KIF6: variants seen among roughly 807,000 people sequenced by gnomAD.
The protein encoded by KIF6 is kinesin family member 6.
KIF6 carries 106 observed loss-of-function variants against 112.7 expected under a neutral mutation model. The observed-to-expected ratio is 0.94, with a 90% CI of 0.80 to 1.11. The LOEUF is 1.11. Among genes scored for constraint, KIF6 ranks in the 50% least tolerant of loss-of-function variants. The pLI is 0.00. For synonymous variants in KIF6, 339 were observed against 339.9 expected (o/e 1.00, Z 0.03); for missense variants, 929 against 964.0 (o/e 0.96, Z 0.48).
In KIF6 at chr6:39,440,039, T is replaced by C. The variant is rs115060175; in HGVS notation, c.1646-8878A>G. On this transcript the variant is annotated intron_variant, in intron 13 of 22. Transcript: ENST00000287152. Reference sequence around the variant, plus strand: ...AGTCGGAGCCAAAAATATATTTTCCTTGGGAGATATTCACTCGCGTGGGGC... The same window carrying C: ...AGTCGGAGCCAAAAATATATTTTCCCTGGGAGATATTCACTCGCGTGGGGC... Among the ~76,000 whole-genome samples the C allele has an allele frequency of 7.1e-3, 1,075 of 152,268 alleles. 13 individuals are homozygous for C. The highest frequency in any genetic ancestry group is 0.025 in the African/African-American group (1,028 of 41,548).
At chr6:39,363,907 A>G (rs1472653244) in intron 16 of KIF6, among the ~76,000 whole-genome samples, 2 of 152,092 alleles carry the variant, frequency 1.3e-5, no homozygotes, top group Non-Finnish European at 2.9e-5. Context: ...GGAGCTCACT[A>G]CTTTGCAGGG....
intron 15 of KIF6, among the ~76,000 whole-genome samples, chr6:39,407,237 A>T (rs1050289163): frequency 3.9e-5 from 6 of 152,168 alleles, no homozygotes; most frequent in Admixed American, 1.3e-4. Flanking sequence ...ACAAGATTGC[A>T]GTATTTACTT....
chr6:39,558,721 T>C (rs1286283380), intron 10 of KIF6, among the ~76,000 whole-genome samples: 1 of 152,188 alleles, frequency 6.6e-6, no homozygotes, highest in African/African-American at 2.4e-5. Context: ...GGACTTCTGA[T>C]GAAAGAGCTG....
chr6:39,565,467 C>T (rs1016642811), intron 10 of KIF6, among the ~76,000 whole-genome samples: 2 of 152,090 alleles, frequency 1.3e-5, no homozygotes, highest in Admixed American at 6.5e-5. Flanking sequence ...TTCCGCAAGC[C>T]CAGGGAATCA....
intron 3 of KIF6, among the ~76,000 whole-genome samples, chr6:39,689,002 C>T (rs1295477183): frequency 2.6e-5 from 4 of 151,994 alleles, no homozygotes; most frequent in Non-Finnish European, 5.9e-5. Flanking sequence ...TTTGTAGTCC[C>T]AGTTATTTGG....
chr6:39,583,621 T>C, intron 9 of KIF6: 1 of 338,812 alleles, frequency 3.0e-6, no homozygotes, highest in Non-Finnish European at 6.3e-6. Flanking sequence ...TTTGTTGGTT[T>C]TTTTTTGATT....
intron 16 of KIF6, among the ~76,000 whole-genome samples, chr6:39,376,597 C>A (rs1490809412): frequency 6.6e-6 from 1 of 152,182 alleles, no homozygotes; most frequent in Non-Finnish European, 1.5e-5. Context: ...TTATGGAGGA[C>A]CTACTGCGTG....
intron 10 of KIF6, among the ~76,000 whole-genome samples, chr6:39,553,264 G>C (rs923582975): frequency 2.6e-5 from 4 of 152,142 alleles, no homozygotes; most frequent in African/African-American, 9.7e-5. Flanking sequence ...GAAAGTTCAT[G>C]GTTTTGGTGA....
At chr6:39,546,792 C>T (rs1375373343) in intron 10 of KIF6, among the ~76,000 whole-genome samples, 3 of 149,308 alleles carry the variant, frequency 2.0e-5, no homozygotes, top group Non-Finnish European at 4.4e-5. Flanking sequence ...TGCCACTGCA[C>T]TCCAGCCTGG....
At chr6:39,648,862 A>G (rs975942695) in intron 3 of KIF6, among the ~76,000 whole-genome samples, 6 of 152,108 alleles carry the variant, frequency 3.9e-5, no homozygotes, top group African/African-American at 1.4e-4. Context: ...TAGTTTAGAT[A>G]CTGTCCTTTC....
intron 13 of KIF6, among the ~76,000 whole-genome samples, chr6:39,446,222 C>A (rs1562224136): frequency 6.6e-6 from 1 of 152,328 alleles, no homozygotes; most frequent in Non-Finnish European, 1.5e-5. Context: ...ATAATAACTG[C>A]TATCTCTTAA....
chr6:39,487,332 AGCCCTCTCT>A (rs1775176000), intron 13 of KIF6, among the ~76,000 whole-genome samples: 1 of 152,190 alleles, frequency 6.6e-6, no homozygotes, highest in African/African-American at 2.4e-5. Context: ...GTCAGAGGTC[AGCCCTCTCT>A]GGGAATTGCC....
intron 7 of KIF6, among the ~76,000 whole-genome samples, chr6:39,591,363 A>T (rs1365305828): frequency 6.6e-6 from 1 of 152,236 alleles, no homozygotes. Context: ...ATCTTAGGGA[A>T]ATCTCTTAAA....
intron 4 of KIF6, among the ~76,000 whole-genome samples, chr6:39,635,282 C>T (rs1784567509): frequency 6.6e-6 from 1 of 151,598 alleles, no homozygotes; most frequent in South Asian, 2.1e-4. Context: ...TTTTTACTTT[C>T]CAGACCAAAA....
At chr6:39,555,771 G>T (rs976196899) in intron 10 of KIF6, among the ~76,000 whole-genome samples, 1 of 151,832 alleles carries the variant, frequency 6.6e-6, no homozygotes, top group Admixed American at 6.6e-5. Context: ...TGGCCAACAT[G>T]CTGAAACCCC....
intron 13 of KIF6, among the ~76,000 whole-genome samples, chr6:39,504,579 T>C (rs1776332683): frequency 6.6e-6 from 1 of 152,238 alleles, no homozygotes; most frequent in Admixed American, 6.5e-5. Flanking sequence ...GCAGATGACA[T>C]GATCCTATAT....
chr6:39,652,488 T>C lies in KIF6; in HGVS notation c.252-12731A>G, dbSNP rs192259340. 2.0e-3 allele frequency among the ~76,000 whole-genome samples: 302 copies of C among 151,444 alleles called. 1 individual carries two copies. Among genetic ancestry groups the C allele is most frequent in the African/African-American group, 6.4e-3 (262 of 41,246 alleles). On this transcript the variant is annotated intron_variant, in intron 3 of 22. Transcript: ENST00000287152. Reference sequence around the variant, plus strand: ...GTTGCAGTGAGCTGAGATCGCACCATTGTACTCCAGCCTGGGCAACAGGAG... The same window carrying C: ...GTTGCAGTGAGCTGAGATCGCACCACTGTACTCCAGCCTGGGCAACAGGAG...
At chr6:39,417,358 T>C (rs905367933) in intron 15 of KIF6, among the ~76,000 whole-genome samples, 2 of 152,192 alleles carry the variant, frequency 1.3e-5, no homozygotes, top group Admixed American at 6.5e-5. Flanking sequence ...GGTATTTGCA[T>C]AAAGTGAAGT....
chr6:39,504,239 G>A (rs577837384), intron 13 of KIF6, among the ~76,000 whole-genome samples: 62 of 152,112 alleles, frequency 4.1e-4, no homozygotes, highest in African/African-American at 1.3e-3. Flanking sequence ...CAAATAAACA[G>A]AACTAAAGAC....
Sources: allele counts gnomAD v4.1 joint callset (sites outside exome capture counted in the v4.1 genomes callset), GRCh38; gene constraint gnomAD v4.1.1; transcripts MANE v1.5; gene names NCBI Gene and HGNC (gene_info 2026-07-23, HGNC 2026-07-21).